Variants in TRIM71 observed in about 807,000 individuals in gnomAD.
TRIM71 encodes the protein tripartite motif containing 71.
In TRIM71, 9 loss-of-function variants were observed where a neutral mutation model predicts 61.2. That is an observed-to-expected ratio of 0.15 (90% CI 0.09 to 0.26). The LOEUF is 0.26. TRIM71 is among the 10% of genes least tolerant of loss of function. The pLI, the probability that TRIM71 is intolerant of heterozygous loss-of-function variation, is 1.00. For missense variants in TRIM71, 998 were observed against 1,238.7 expected (o/e 0.81, Z 2.92); for synonymous variants, 645 against 553.2 (o/e 1.17, Z -2.33).
At chr3:32,838,004 G>A (rs148721521) in intron 1 of TRIM71, among the ~76,000 whole-genome samples, 2 of 152,150 alleles carry the variant, frequency 1.3e-5, no homozygotes, top group Admixed American at 6.5e-5. Context: ...AAATGTGGAT[G>A]TGAATTTTGC....
chr3:32,855,901 A>T (rs138404400), intron 1 of TRIM71, among the ~76,000 whole-genome samples: 1 of 152,252 alleles, frequency 6.6e-6, no homozygotes, highest in South Asian at 2.1e-4. Context: ...GGCCTCTCCT[A>T]CAGGCACCAT....
chr3:32,867,184 T>C (rs945951097), intron 1 of TRIM71, among the ~76,000 whole-genome samples: 4 of 150,676 alleles, frequency 2.7e-5, no homozygotes, highest in African/African-American at 9.8e-5. Flanking sequence ...CCCCTCCCCC[T>C]CCTCTTTTTT....
chr3:32,833,219 G>C (rs1696295577), intron 1 of TRIM71, among the ~76,000 whole-genome samples: 1 of 120,672 alleles, frequency 8.3e-6, no homozygotes, highest in South Asian at 2.8e-4. Context: ...AAAAGAGGCA[G>C]CTGTTTTTGT....
chr3:32,829,646 G>GTGTGTGTGTGTGTGTGTT (rs1468874080), intron 1 of TRIM71, among the ~76,000 whole-genome samples: 1 of 151,756 alleles, frequency 6.6e-6, no homozygotes, highest in South Asian at 2.1e-4. Flanking sequence ...GTGTGTGTGT[G>GTGTGTGTGTGTGTGTGTT]TGTGTTTGTG....
intron 1 of TRIM71, among the ~76,000 whole-genome samples, chr3:32,864,112 G>A (rs1206647339): frequency 6.6e-6 from 1 of 152,184 alleles, no homozygotes; most frequent in East Asian, 1.9e-4. Context: ...TGTTGCCCAA[G>A]CTGGAGTGCA....
intron 1 of TRIM71, among the ~76,000 whole-genome samples, chr3:32,835,225 A>G (rs550644772): frequency 7.2e-5 from 11 of 152,204 alleles, no homozygotes; most frequent in Non-Finnish European, 1.3e-4. Context: ...CAGTTTTTGC[A>G]TGTGTAACAT....
chr3:32,843,458 A>G (rs1696434554), intron 1 of TRIM71, among the ~76,000 whole-genome samples: 1 of 152,130 alleles, frequency 6.6e-6, no homozygotes, highest in African/African-American at 2.4e-5. Flanking sequence ...GGATACTGGG[A>G]TCTGTGAAAA....
At chr3:32,821,148 G>T (rs1696122633) in intron 1 of TRIM71, among the ~76,000 whole-genome samples, 1 of 152,078 alleles carries the variant, frequency 6.6e-6, no homozygotes, top group Non-Finnish European at 1.5e-5. Flanking sequence ...TGAGAATATT[G>T]TTCCTTTAAA....
chr3:32,867,799 C>T (rs1696754427), intron 1 of TRIM71, among the ~76,000 whole-genome samples: 1 of 152,118 alleles, frequency 6.6e-6, no homozygotes, highest in Non-Finnish European at 1.5e-5. Context: ...TGTTGCACAT[C>T]AGTTTTGCTG....
intron 1 of TRIM71, among the ~76,000 whole-genome samples, chr3:32,823,528 C>G (rs1696163445): frequency 6.6e-6 from 1 of 152,144 alleles, no homozygotes; most frequent in Non-Finnish European, 1.5e-5. Flanking sequence ...ATTTCCAATT[C>G]TAGGAATATA....
At chr3:32,869,096 G>A (rs962440000) in intron 1 of TRIM71, among the ~76,000 whole-genome samples, 1 of 152,172 alleles carries the variant, frequency 6.6e-6, no homozygotes, top group Non-Finnish European at 1.5e-5. Context: ...CGAATCTTGT[G>A]TTGTCCCACG....
chr3:32,891,703 T>G lies in TRIM71; in HGVS notation c.2499T>G (p.Ala833=), dbSNP rs1414595755. The G allele has an allele frequency of 6.2e-7, 1 of 1,614,144 alleles. No homozygotes were observed. Among genetic ancestry groups the G allele is most frequent in the Admixed American group, 1.7e-5 (1 of 60,016 alleles). ...GCAGCTTCCTGTGCAAGTTTGGTGCTCAAGGCAGCGGCTTTGGGCAGATGG... is the reference window on the plus strand; with the variant it reads ...GCAGCTTCCTGTGCAAGTTTGGTGCGCAAGGCAGCGGCTTTGGGCAGATGG... ...SNGSFLCKFG[A]QGSGFGQMDR... The change falls in exon 4 of 4, where the codon GCT becomes GCG. Residue 833 remains alanine, a synonymous_variant. Coordinates refer to ENST00000383763, the MANE Select transcript of TRIM71 (RefSeq NM_001039111.3). This position sits in a 1 kb window ranked among gnomAD's most constrained non-coding sequence, Gnocchi z 8.2.
Position 32,891,475 on chromosome 3 carries a change from T to C in TRIM71, c.2271T>C (p.His757=), listed in dbSNP as rs1404687573. The C allele has an allele frequency of 5.0e-6, 8 of 1,613,814 alleles. No individual in the cohort carries two copies. In the East Asian group the frequency reaches 1.6e-4, roughly 31 times the overall value. The change falls in exon 4 of 4, where the codon CAT becomes CAC. Residue 757 remains histidine, a synonymous_variant. Transcript: ENST00000383763. This position sits in a 1 kb window ranked among gnomAD's most constrained non-coding sequence, Gnocchi z 8.2. ...CCCCACGGGGTGTGGCCTTCAACCA[T>C]GAGGGCCACTTGGTGGTCACTGACT... ...FDSPRGVAFN[H]EGHLVVTDFN...
intron 1 of TRIM71, among the ~76,000 whole-genome samples, chr3:32,843,812 G>A (rs1457499229): frequency 6.6e-6 from 1 of 152,176 alleles, no homozygotes; most frequent in African/African-American, 2.4e-5. Context: ...CTGCTTTCTG[G>A]GAAGGTGCAG....
chr3:32,880,428 C>T (rs1696896526), intron 2 of TRIM71, among the ~76,000 whole-genome samples: 1 of 152,106 alleles, frequency 6.6e-6, no homozygotes, highest in Admixed American at 6.5e-5. Flanking sequence ...TATATTTCCC[C>T]ATTGAATGTC....
In TRIM71 at chr3:32,890,436, T is replaced by A; in HGVS notation, c.1232T>A (p.Leu411His). 1 of 1,614,126 alleles carries A rather than the reference T, an allele frequency of 6.2e-7. No homozygotes were observed. The highest frequency in any genetic ancestry group is 8.5e-7 in the Non-Finnish European group (1 of 1,180,008). The part of the protein sequence containing the change: ...VEKLRQNLNK[L>H]ESTISAVQQV... ...AAGCTGCGGCAAAACCTCAACAAGC[T>A]TGAGAGCACCATCAGTGCCGTGCAG... The change falls in exon 4 of 4, where the codon CTT (leucine) becomes CAT (histidine). Residue 411 changes from leucine (L) to histidine (H), a missense_variant. By Grantham distance (99) the Leu-to-His change is moderately conservative. Coordinates refer to ENST00000383763, the MANE Select transcript of TRIM71 (RefSeq NM_001039111.3). The surrounding 1 kb of genome is among the most constrained non-coding windows in gnomAD (Gnocchi z 6.2).
At chr3:32,843,371 GC>G (rs1696433512) in intron 1 of TRIM71, among the ~76,000 whole-genome samples, 1 of 152,154 alleles carries the variant, frequency 6.6e-6, no homozygotes, top group Non-Finnish European at 1.5e-5. Context: ...CTAAGGCATA[GC>G]AGTAACTCCC....
intron 1 of TRIM71, among the ~76,000 whole-genome samples, chr3:32,823,051 T>C (rs908400102): frequency 3.3e-5 from 5 of 152,254 alleles, no homozygotes; most frequent in African/African-American, 1.2e-4. Flanking sequence ...GAATATGTCC[T>C]CTGAGTGCAG....
chr3:32,885,936 G>A lies in TRIM71; in HGVS notation c.1023G>A (p.Leu341=), dbSNP rs1193493625. The A allele has an allele frequency of 6.2e-7, 1 of 1,610,640 alleles. No individual in the cohort carries two copies. Among genetic ancestry groups the A allele is most frequent in the Non-Finnish European group, 8.5e-7 (1 of 1,179,078 alleles). Residue 341 remains leucine, a splice_region_variant and synonymous_variant, in exon 3 of 4, where the codon CTG becomes CTA. Transcript: ENST00000383763. ...DAQQGRQAIQ[L]SIEQAQTVAE... ...GTTGTTTCTTTTTGGTTTTCCAGCT[G>A]AGCATCGAGCAGGCCCAGACGGTGG...
Sources: gnomAD v4.1 joint callset for allele counts (sites outside exome capture counted in the v4.1 genomes callset) on GRCh38, gnomAD v4.1.1 for gene constraint, Gnocchi (gnomAD v3.1) non-coding constraint, MANE v1.5 for transcripts, NCBI Gene and HGNC (gene_info 2026-07-23, HGNC 2026-07-21) for gene names.